The following KCNIP4 variants were observed in gnomAD, a reference collection of about 807,000 sequenced individuals.
The protein encoded by KCNIP4 is potassium voltage-gated channel interacting protein 4, also known as Kv channel-interacting protein 4.
KCNIP4 carries 12 observed loss-of-function variants against 34.0 expected under a neutral mutation model. That is an observed-to-expected ratio of 0.35 (90% CI 0.23 to 0.57). The LOEUF (loss-of-function observed/expected upper bound fraction) is 0.57, where lower values mean the gene tolerates loss of function less well. Ranked by LOEUF, KCNIP4 falls within the 20% of genes least tolerant of loss-of-function variation. KCNIP4 has a pLI of 0.83. For synonymous variants in KCNIP4, 124 were observed against 102.2 expected, an observed-to-expected ratio of 1.21 and a Z score of -1.29; for missense variants, 238 against 311.7, an observed-to-expected ratio of 0.76 and a Z score of 1.78.
chr4:20,953,630 T>G (rs1473335641), intron 1 of KCNIP4, among the ~76,000 whole-genome samples: 3 of 152,114 alleles, frequency 2.0e-5, no homozygotes, highest in Non-Finnish European at 1.5e-5. Context: ...TGCAGGGAGC[T>G]GAGATCGCAC....
Position 21,021,683 on chromosome 4 carries a change from T to C in KCNIP4, c.62-138974A>G, listed in dbSNP as rs368177598. On this transcript the variant is annotated intron_variant, in intron 1 of 8. Transcript: ENST00000382152. ...TGTCTTCCACCTCCACATCTTGTCC[T>C]GCTGGAAGGTCTTTAGGGGCAATAA... 1.9e-3 allele frequency among the ~76,000 whole-genome samples: 290 copies of C among 152,280 alleles called. 6 individuals are homozygous for C. In the South Asian group the frequency reaches 0.053, roughly 28 times the overall value.
At position 20,936,376 on chromosome 4, in the gene KCNIP4, G is replaced by A. The variant is rs148150761; in HGVS notation, c.62-53667C>T. Among the ~76,000 whole-genome samples, 131 of 150,934 alleles carry A rather than the reference G, an allele frequency of 8.7e-4. 1 individual carries two copies. The Middle Eastern group carries it at 0.01, about 12-fold the overall frequency. On this transcript the variant is annotated intron_variant, in intron 1 of 8. Coordinates refer to ENST00000382152, the MANE Select transcript of KCNIP4 (RefSeq NM_025221.6). ...TATTCATTTAGCAAACATTTATTCCGGATCTTTCATGTACCAGGTACTAAG... is the reference window on the plus strand; with the variant it reads ...TATTCATTTAGCAAACATTTATTCCAGATCTTTCATGTACCAGGTACTAAG...
chr4:20,994,893 C>G (rs1008443411), intron 1 of KCNIP4, among the ~76,000 whole-genome samples: 1 of 152,086 alleles, frequency 6.6e-6, no homozygotes, highest in African/African-American at 2.4e-5. Flanking sequence ...GACATGGTAG[C>G]AATTAAACTC....
chr4:21,143,556 A>T (rs1226588295), intron 1 of KCNIP4, among the ~76,000 whole-genome samples: 11 of 121,378 alleles, frequency 9.1e-5, no homozygotes, highest in African/African-American at 3.5e-4. Context: ...GGCAGCTGAG[A>T]TAAGCTAGAC....
At chr4:21,729,919 A>C (rs1715466764) in intron 1 of KCNIP4, 2 of 152,184 alleles carry the variant, frequency 1.3e-5, no homozygotes. Context: ...TGTGTGACTC[A>C]TTAATAACAA....
At chr4:21,304,081 G>GAGAC (rs1560272646) in intron 1 of KCNIP4, 2 of 248,984 alleles carry the variant, frequency 8.0e-6, no homozygotes, top group African/African-American at 3.9e-5. Flanking sequence ...GAGAGAGAGA[G>GAGAC]AGAGACAGAG....
chr4:21,900,694 T>A (rs181798523), intron 1 of KCNIP4, among the ~76,000 whole-genome samples: 1 of 152,366 alleles, frequency 6.6e-6, no homozygotes, highest in East Asian at 1.9e-4. Flanking sequence ...TCTGATTGTA[T>A]GTCTAGTCCC....
rs147957770 is a variant in KCNIP4 at position 20,971,479 on chromosome 4, CT to C, written c.62-88771del. Among the ~76,000 whole-genome samples the C allele has an allele frequency of 6.1e-4, 91 of 148,782 alleles. No homozygotes were observed. In the Middle Eastern group the frequency reaches 0.01, roughly 17 times the overall value. On this transcript the variant is annotated intron_variant, in intron 1 of 8. Transcript: ENST00000382152. ...AAATATCACAATCAAGCAAACCATA[CT>C]TTTTTTTTTGTTTTCCTGTGAATAT...
At chr4:20,894,808 G>GT (rs1160659440) in intron 1 of KCNIP4, among the ~76,000 whole-genome samples, 1 of 152,192 alleles carries the variant, frequency 6.6e-6, no homozygotes, top group Non-Finnish European at 1.5e-5. Flanking sequence ...GAACAAGAAA[G>GT]TCCTCTAAAT....
intron 1 of KCNIP4, among the ~76,000 whole-genome samples, chr4:21,205,531 G>T (rs922696986): frequency 1.3e-5 from 2 of 152,202 alleles, no homozygotes; most frequent in African/African-American, 2.4e-5. Context: ...GTCTTAGAAA[G>T]GCTGAATAAC....
At chr4:21,068,073 C>T (rs1271993708) in intron 1 of KCNIP4, among the ~76,000 whole-genome samples, 1 of 152,148 alleles carries the variant, frequency 6.6e-6, no homozygotes, top group African/African-American at 2.4e-5. Flanking sequence ...CATCTTTCCC[C>T]TGTCCTATCA....
chr4:21,508,651 T>C (rs1313057732), intron 1 of KCNIP4, among the ~76,000 whole-genome samples: 2 of 152,244 alleles, frequency 1.3e-5, no homozygotes, highest in Non-Finnish European at 2.9e-5. Context: ...CAAGAAATAC[T>C]GAGGGAAGCA....
At chr4:21,932,149 T>C (rs1729607293) in intron 1 of KCNIP4, among the ~76,000 whole-genome samples, 1 of 152,146 alleles carries the variant, frequency 6.6e-6, no homozygotes, top group Admixed American at 6.6e-5. Context: ...CATATGCCTT[T>C]TTTAAATAGG....
At chr4:21,342,639 G>A (rs1023716688) in intron 1 of KCNIP4, among the ~76,000 whole-genome samples, 1 of 151,804 alleles carries the variant, frequency 6.6e-6, no homozygotes, top group African/African-American at 2.4e-5. Flanking sequence ...AATTACAAAT[G>A]CCTTACCCAA....
At chr4:21,233,372 C>T (rs1393838069) in intron 1 of KCNIP4, among the ~76,000 whole-genome samples, 1 of 151,996 alleles carries the variant, frequency 6.6e-6, no homozygotes, top group Admixed American at 6.6e-5. Flanking sequence ...CACTGTTTAA[C>T]AGATACATCC....
chr4:21,658,820 C>T (rs976578982), intron 1 of KCNIP4, among the ~76,000 whole-genome samples: 1 of 152,160 alleles, frequency 6.6e-6, no homozygotes, highest in Non-Finnish European at 1.5e-5. Flanking sequence ...CACTGCATTG[C>T]CCTGTGACCT....
intron 1 of KCNIP4, among the ~76,000 whole-genome samples, chr4:21,659,377 C>A (rs1748247250): frequency 2.0e-5 from 3 of 152,138 alleles, no homozygotes; most frequent in Admixed American, 6.6e-5. Context: ...ATGAAGCTAA[C>A]AGATGCATAT....
intron 1 of KCNIP4, among the ~76,000 whole-genome samples, chr4:21,454,265 C>A (rs143552824): frequency 1.1e-3 from 170 of 152,190 alleles, no homozygotes; most frequent in African/African-American, 3.9e-3. Flanking sequence ...TAGCAAGGAA[C>A]CAGGGAACTT....
chr4:21,589,512 T>C (rs1243142207), intron 1 of KCNIP4, among the ~76,000 whole-genome samples: 1 of 151,474 alleles, frequency 6.6e-6, no homozygotes, highest in Non-Finnish European at 1.5e-5. Context: ...AAATAAAATA[T>C]TAATGCAAAA....
Sources: gnomAD v4.1 joint callset for allele counts (sites outside exome capture counted in the v4.1 genomes callset) on GRCh38, gnomAD v4.1.1 for gene constraint, MANE v1.5 for transcripts, NCBI Gene and HGNC (gene_info 2026-07-23, HGNC 2026-07-21) for gene names.